Variants in CNOT2 observed in about 807,000 individuals in gnomAD.
The protein encoded by CNOT2 is CC chemokine receptor 4-negative regulator of transcription 2.
CNOT2 carries 7 observed loss-of-function variants against 72.1 expected under a neutral mutation model. The observed-to-expected ratio is 0.10, with a 90% CI of 0.06 to 0.18. The LOEUF (loss-of-function observed/expected upper bound fraction) is 0.18. Among genes scored for constraint, CNOT2 ranks in the 10% least tolerant of loss-of-function variants. CNOT2 has a pLI of 1.00. For missense variants in CNOT2, 345 were observed against 660.3 expected, an observed-to-expected ratio of 0.52 and a Z score of 5.23; for synonymous variants, 196 against 225.6, an observed-to-expected ratio of 0.87 and a Z score of 1.17.
Position 70,354,985 on chromosome 12 carries a change from C to T in CNOT2, c.*1070C>T, listed in dbSNP as rs1434012886. ...TTCTCTTTGTAATAAAGTAGAAAAG[C>T]TCTCCTCACTGCAGTGTTGGCTTTG... On this transcript the variant is annotated 3_prime_UTR_variant, in exon 16 of 16. Coordinates refer to ENST00000229195, the MANE Select transcript of CNOT2 (RefSeq NM_014515.7). The T allele has an allele frequency of 6.6e-6, 1 of 152,604 alleles. No homozygotes were observed. The highest frequency in any genetic ancestry group is 1.5e-5 in the Non-Finnish European group (1 of 68,018). The allele number at this position is 152,604 out of a possible 1,614,324, so 9.5% of individuals were successfully genotyped here. A position where few individuals can be genotyped will look rare whatever the true frequency, so the allele number is the denominator to read the frequency against.
Position 70,290,630 on chromosome 12 carries a change from A to G in CNOT2, c.48+12356A>G, listed in dbSNP as rs993449518. 1.8e-4 allele frequency: 22 copies of G among 119,306 alleles called. 1 individual carries two copies. The highest frequency in any genetic ancestry group is 7.9e-4 in the African/African-American group (22 of 27,782). The allele number at this position is 119,306 out of a possible 1,614,324, so 7.4% of individuals were successfully genotyped here. A position where few individuals can be genotyped will look rare whatever the true frequency, so the allele number is the denominator to read the frequency against. ...AAGTTGTTTTAGGTGGGCTGCTGCT[A>G]CAACTAATACTACCACACTACTCTC... On this transcript the variant is annotated intron_variant, in intron 2 of 15. Coordinates refer to ENST00000229195, the MANE Select transcript of CNOT2 (RefSeq NM_014515.7).
At chr12:70,285,999 A>C (rs896006985) in intron 2 of CNOT2, among the ~76,000 whole-genome samples, 3 of 151,904 alleles carry the variant, frequency 2.0e-5, no homozygotes, top group African/African-American at 7.3e-5. Flanking sequence ...CACTGAGGAG[A>C]GGAATTAAAA....
intron 2 of CNOT2, among the ~76,000 whole-genome samples, chr12:70,302,031 T>C (rs1874100528): frequency 1.3e-5 from 2 of 152,222 alleles, no homozygotes; most frequent in Non-Finnish European, 2.9e-5. Context: ...TATTCTCTGA[T>C]GGTGGTATGT....
At chr12:70,347,476 A>G (rs1882328828) in intron 15 of CNOT2, 1 of 151,854 alleles carries the variant, frequency 6.6e-6, no homozygotes, top group South Asian at 2.1e-4. Context: ...TAAAAATACA[A>G]AAAAAAATTA....
chr12:70,292,197 C>T (rs915767009), intron 2 of CNOT2, among the ~76,000 whole-genome samples: 1 of 152,144 alleles, frequency 6.6e-6, no homozygotes, highest in African/African-American at 2.4e-5. Context: ...ACATATGATG[C>T]ACTTGAGAAG....
At chr12:70,308,145 C>T (rs1255874789) in intron 2 of CNOT2, among the ~76,000 whole-genome samples, 1 of 152,110 alleles carries the variant, frequency 6.6e-6, no homozygotes, top group Admixed American at 6.6e-5. Flanking sequence ...CAAGCATTTG[C>T]CTGGTCAGTT....
chr12:70,285,333 CT>C (rs1870689178), intron 2 of CNOT2: 1 of 151,788 alleles, frequency 6.6e-6, no homozygotes, highest in South Asian at 2.1e-4. Flanking sequence ...CCTCAGCCTC[CT>C]GAGTAGCTGG....
chr12:70,299,801 T>G (rs1166657629), intron 2 of CNOT2, among the ~76,000 whole-genome samples: 1 of 152,190 alleles, frequency 6.6e-6, no homozygotes, highest in African/African-American at 2.4e-5. Flanking sequence ...ATCGCCACAC[T>G]GACTTCCACA....
At chr12:70,351,940 C>G (rs1030885112) in intron 15 of CNOT2, among the ~76,000 whole-genome samples, 1 of 152,146 alleles carries the variant, frequency 6.6e-6, no homozygotes, top group African/African-American at 2.4e-5. Flanking sequence ...CAAATAACCT[C>G]TGTGTCTTAA....
At chr12:70,337,703 GGTTT>G in intron 9 of CNOT2, 190 bp downstream of exon 9, 1 of 655,432 alleles carries the variant, frequency 1.5e-6, no homozygotes. Flanking sequence ...ATTTCATATA[GGTTT>G]GCAAATTTCT....
At chr12:70,255,298 C>A (rs1958380675) in intron 1 of CNOT2, among the ~76,000 whole-genome samples, 1 of 152,038 alleles carries the variant, frequency 6.6e-6, no homozygotes, top group African/African-American at 2.4e-5. Flanking sequence ...TTTTTGTGAA[C>A]ATCGTGTCTG....
At chr12:70,323,307 T>C (rs564666742) in intron 4 of CNOT2, 7 of 151,854 alleles carry the variant, frequency 4.6e-5, no homozygotes, top group African/African-American at 1.7e-4. Context: ...TTGTATCCTC[T>C]GTACCTCGCA....
intron 2 of CNOT2, among the ~76,000 whole-genome samples, chr12:70,304,684 A>T (rs544757860): frequency 1.5e-3 from 228 of 152,336 alleles, no homozygotes; most frequent in Non-Finnish European, 1.6e-3. Flanking sequence ...TGGTAGAACC[A>T]CTACTCTCTT....
At chr12:70,278,328 C>A in intron 2 of CNOT2, 54 bp downstream of exon 2, 2 of 1,302,322 alleles carry the variant, frequency 1.5e-6, no homozygotes, top group Non-Finnish European at 1.1e-6. Flanking sequence ...TACATTGAAA[C>A]TGTTCAAATG....
intron 15 of CNOT2, among the ~76,000 whole-genome samples, chr12:70,350,390 T>C: frequency 6.6e-6 from 1 of 152,354 alleles, no homozygotes; most frequent in South Asian, 2.1e-4. Flanking sequence ...ATCCTTATAC[T>C]TTAGTAATGT....
chr12:70,295,219 C>A (rs558843867), intron 2 of CNOT2, among the ~76,000 whole-genome samples: 2 of 152,252 alleles, frequency 1.3e-5, no homozygotes, highest in African/African-American at 4.8e-5. Flanking sequence ...AAAACAGACT[C>A]TTAAGATGGC....
intron 2 of CNOT2, among the ~76,000 whole-genome samples, chr12:70,301,329 T>A (rs990909096): frequency 1.3e-5 from 2 of 152,204 alleles, no homozygotes; most frequent in African/African-American, 4.8e-5. Context: ...CCAGTTTTTG[T>A]ACATTCACTG....
chr12:70,337,315 A>C, intron 8 of CNOT2, 74 bp from the exon 9 acceptor site: 1 of 1,291,784 alleles, frequency 7.7e-7, no homozygotes, highest in Non-Finnish European at 1.1e-6. Flanking sequence ...ATCATGAGGA[A>C]AGTTAACTTT....
chr12:70,332,934 G>A (rs1306799831), intron 7 of CNOT2, 88 bp downstream of exon 7: 14 of 1,386,452 alleles, frequency 1.0e-5, no homozygotes, highest in Middle Eastern at 2.6e-4. Flanking sequence ...CTTTAAATAC[G>A]GTAGGATTTT....
Sources: gnomAD v4.1 joint callset for allele counts (sites outside exome capture counted in the v4.1 genomes callset) on GRCh38, gnomAD v4.1.1 for gene constraint, MANE v1.5 for transcripts, NCBI Gene and HGNC (gene_info 2026-07-23, HGNC 2026-07-21) for gene names.